The following COL23A1 variants were observed in gnomAD, a reference collection of about 807,000 sequenced individuals.
The protein encoded by COL23A1 is collagen type XXIII alpha 1 chain.
Under a neutral mutation model 99.3 loss-of-function variants are expected in COL23A1, and 97 were observed. The ratio of observed to expected loss-of-function variants is 0.98; its 90% CI spans 0.83 to 1.16. The LOEUF (loss-of-function observed/expected upper bound fraction) is 1.16. Among genes scored for constraint, COL23A1 ranks in the 50% most tolerant of loss-of-function variants. COL23A1 has a pLI of 0.00. For missense variants in COL23A1, 762 were observed against 757.4 expected (o/e 1.01, Z -0.07); for synonymous variants, 320 against 308.2 (o/e 1.04, Z -0.40).
intron 2 of COL23A1, among the ~76,000 whole-genome samples, chr5:178,547,784 AC>A (rs1263595467): frequency 7.1e-4 from 1 of 1,416 alleles, no homozygotes; most frequent in Non-Finnish European, 1.2e-3. Context: ...CCCCCCACAC[AC>A]CCCCCACACA....
chr5:178,480,000 CTGA>C (rs1221678308), intron 2 of COL23A1, among the ~76,000 whole-genome samples: 1 of 151,972 alleles, frequency 6.6e-6, no homozygotes, highest in East Asian at 1.9e-4. Context: ...CCATAGGCAA[CTGA>C]GATAAAACGG....
At chr5:178,505,883 T>C (rs1046737049) in intron 2 of COL23A1, among the ~76,000 whole-genome samples, 5 of 152,054 alleles carry the variant, frequency 3.3e-5, no homozygotes, top group Non-Finnish European at 7.4e-5. Context: ...AGCCTGTCAG[T>C]GAGGGTGCAA....
intron 2 of COL23A1, among the ~76,000 whole-genome samples, chr5:178,479,088 A>G (rs13165074): frequency 0.36 from 54,686 of 152,006 alleles, 11,793 homozygotes; most frequent in Admixed American, 0.49. Context: ...ATCAGGACAC[A>G]AGGATCACCC....
chr5:178,584,396 C>T (rs1763820990), intron 1 of COL23A1, among the ~76,000 whole-genome samples: 1 of 151,696 alleles, frequency 6.6e-6, no homozygotes, highest in Non-Finnish European at 1.5e-5. Context: ...GAGACGAGGT[C>T]TTGCTATATC....
chr5:178,475,121 T>C (rs13187323), intron 2 of COL23A1, among the ~76,000 whole-genome samples: 40,221 of 152,068 alleles, frequency 0.26, 6,113 homozygotes, highest in East Asian at 0.64. Flanking sequence ...ACAGCAATCA[T>C]TGGATTAGGG....
chr5:178,361,205 A>C (rs1012708559), intron 2 of COL23A1, among the ~76,000 whole-genome samples: 1 of 152,098 alleles, frequency 6.6e-6, no homozygotes, highest in African/African-American at 2.4e-5. Flanking sequence ...AAGGAAAACC[A>C]CTCTTCCCTG....
intron 2 of COL23A1, among the ~76,000 whole-genome samples, chr5:178,554,999 T>G (rs1762191813): frequency 6.6e-6 from 1 of 152,214 alleles, no homozygotes; most frequent in Admixed American, 6.5e-5. Flanking sequence ...CCTGGGTTAG[T>G]GTCTGGGTGT....
intron 5 of COL23A1, 90 bp downstream of exon 5, chr5:178,288,234 A>C: frequency 9.3e-7 from 1 of 1,080,542 alleles, no homozygotes. Context: ...AAGAGACAGG[A>C]GCGCAGACAG....
At chr5:178,417,003 C>T (rs1202393910) in intron 2 of COL23A1, among the ~76,000 whole-genome samples, 1 of 152,182 alleles carries the variant, frequency 6.6e-6, no homozygotes, top group Non-Finnish European at 1.5e-5. Flanking sequence ...AGACCTGGAG[C>T]TTCCTGAGAC....
At chr5:178,449,547 C>G (rs1292203918) in intron 2 of COL23A1, among the ~76,000 whole-genome samples, 1 of 151,518 alleles carries the variant, frequency 6.6e-6, no homozygotes, top group Non-Finnish European at 1.5e-5. Context: ...ATTCCCCCCA[C>G]CCCCCTAAAT....
intron 2 of COL23A1, among the ~76,000 whole-genome samples, chr5:178,518,045 C>A (rs1371096043): frequency 7.8e-6 from 1 of 128,280 alleles, no homozygotes; most frequent in Non-Finnish European, 1.6e-5. Flanking sequence ...ACCCTGCGGC[C>A]TTCCGCAGTG....
chr5:178,348,012 T>C lies in COL23A1; in HGVS notation c.362-41093A>G, dbSNP rs1761084476. 2.0e-5 allele frequency among the ~76,000 whole-genome samples: 3 copies of C among 152,196 alleles called. No individual in the cohort carries two copies. The South Asian group carries it at 6.2e-4, about 32-fold the overall frequency. ...AAACTTAGAGGAGTGGTCTAGAACTTTGATCATCCTCCCCTGTCCTGGATT... is the reference window on the plus strand; with the variant it reads ...AAACTTAGAGGAGTGGTCTAGAACTCTGATCATCCTCCCCTGTCCTGGATT... On this transcript the variant is annotated intron_variant, in intron 2 of 28. Transcript: ENST00000390654.
chr5:178,296,874 T>C (rs1162272554), intron 3 of COL23A1, among the ~76,000 whole-genome samples: 1 of 152,138 alleles, frequency 6.6e-6, no homozygotes. Flanking sequence ...CAGGCTACCA[T>C]TGCTTCATGC....
At chr5:178,269,619 C>CATCCATCCA (rs1332732186) in intron 6 of COL23A1, among the ~76,000 whole-genome samples, 1 of 146,686 alleles carries the variant, frequency 6.8e-6, no homozygotes. Flanking sequence ...TCCATCCATC[C>CATCCATCCA]ATCCATTCAT....
intron 2 of COL23A1, among the ~76,000 whole-genome samples, chr5:178,356,740 C>G (rs1393445547): frequency 6.6e-6 from 1 of 152,170 alleles, no homozygotes; most frequent in East Asian, 1.9e-4. Flanking sequence ...CCAAACCCAG[C>G]AGAGTGATGC....
Position 178,266,252 on chromosome 5 carries a change from G to A in COL23A1, c.522+1055C>T, listed in dbSNP as rs1755890645. On this transcript the variant is annotated intron_variant, in intron 8 of 28. Transcript: ENST00000390654. ...GATGGGGTTTCACCATGTTGGTCAG[G>A]CTGGTCTCAAACTCCTGACCTCAAG... Among the ~76,000 whole-genome samples, 3 of 152,040 alleles carry A rather than the reference G, an allele frequency of 2.0e-5. No individual in the cohort carries two copies. The South Asian group carries it at 6.2e-4, about 32-fold the overall frequency.
intron 2 of COL23A1, among the ~76,000 whole-genome samples, chr5:178,447,821 TG>T (rs1355041822): frequency 6.6e-6 from 1 of 152,152 alleles, no homozygotes; most frequent in African/African-American, 2.4e-5. Flanking sequence ...GAAGTAAGGC[TG>T]GTAGAGTACT....
intron 2 of COL23A1, among the ~76,000 whole-genome samples, chr5:178,476,022 T>C (rs1757007853): frequency 1.3e-5 from 2 of 152,216 alleles, no homozygotes; most frequent in East Asian, 3.9e-4. Flanking sequence ...GTCAACTGAT[T>C]AGTAAACTTA....
chr5:178,504,800 A>G (rs1758773144), intron 2 of COL23A1, among the ~76,000 whole-genome samples: 1 of 152,212 alleles, frequency 6.6e-6, no homozygotes, highest in Admixed American at 6.5e-5. Flanking sequence ...AGCCACCTGC[A>G]GCCAAGTAGG....
Sources: allele counts gnomAD v4.1 joint callset (sites outside exome capture counted in the v4.1 genomes callset), GRCh38; gene constraint gnomAD v4.1.1; transcripts MANE v1.5; gene names NCBI Gene and HGNC (gene_info 2026-07-23, HGNC 2026-07-21).